CENPP: variants seen among roughly 807,000 people sequenced by gnomAD.
The protein encoded by CENPP is centromere protein P.
A neutral mutation model predicts 35.6 loss-of-function variants in CENPP; 24 were observed. That is an observed-to-expected ratio of 0.67 (90% CI 0.49 to 0.95). The LOEUF is 0.95. CENPP is among the 40% of genes least tolerant of loss of function. CENPP has a pLI of 0.00. For synonymous variants in CENPP, 120 were observed against 125.5 expected (o/e 0.96, Z 0.29); for missense variants, 332 against 345.3 (o/e 0.96, Z 0.31).
At chr9:92,425,905 C>T (rs1843953695) in intron 5 of CENPP, among the ~76,000 whole-genome samples, 1 of 152,164 alleles carries the variant, frequency 6.6e-6, no homozygotes. Context: ...GTTTTATAGG[C>T]CTTCACAGTC....
intron 5 of CENPP, among the ~76,000 whole-genome samples, chr9:92,549,552 C>A (rs1849541644): frequency 6.6e-6 from 1 of 151,168 alleles, no homozygotes. Flanking sequence ...GAGGCTGAGG[C>A]AGGACAATCA....
chr9:92,574,372 G>C (rs1261976618), intron 5 of CENPP, among the ~76,000 whole-genome samples: 1 of 152,060 alleles, frequency 6.6e-6, no homozygotes, highest in Non-Finnish European at 1.5e-5. Context: ...AGAATACAAA[G>C]TGAACACACT....
At chr9:92,602,586 G>T (rs562174177) in intron 5 of CENPP, among the ~76,000 whole-genome samples, 8 of 152,382 alleles carry the variant, frequency 5.2e-5, no homozygotes, top group African/African-American at 1.9e-4. Flanking sequence ...GAGGGGACAA[G>T]GAAGGAGAGA....
chr9:92,368,361 G>C (rs1052128114), intron 4 of CENPP, among the ~76,000 whole-genome samples: 2 of 152,112 alleles, frequency 1.3e-5, no homozygotes, highest in African/African-American at 4.8e-5. Flanking sequence ...TTCAAAATCT[G>C]AAACGCTTCT....
intron 5 of CENPP, among the ~76,000 whole-genome samples, chr9:92,549,622 G>A (rs1004513266): frequency 2.7e-5 from 4 of 148,456 alleles, no homozygotes; most frequent in African/African-American, 7.6e-5. Context: ...ACTCCAGCCT[G>A]AGTGGGAGAG....
At chr9:92,517,917 T>C in intron 5 of CENPP, 4 of 1,609,986 alleles carry the variant, frequency 2.5e-6, no homozygotes, top group Non-Finnish European at 3.4e-6. Context: ...TCTTATGTGA[T>C]TATCAGTAAC....
At chr9:92,457,568 G>T in intron 5 of CENPP, 1 of 1,001,280 alleles carries the variant, frequency 1.0e-6, no homozygotes, top group Non-Finnish European at 1.5e-6. Flanking sequence ...ATTTGTTTGT[G>T]GGTTTATTCA....
chr9:92,332,875 C>CT (rs1399857353), intron 2 of CENPP, among the ~76,000 whole-genome samples: 6,131 of 142,874 alleles, frequency 0.043, 152 homozygotes, highest in Middle Eastern at 0.061. Flanking sequence ...TTCTTTCTTT[C>CT]TTTTTTTTTT....
chr9:92,588,141 AAAAAT>A (rs369139166), intron 5 of CENPP, among the ~76,000 whole-genome samples: 64 of 151,582 alleles, frequency 4.2e-4, no homozygotes, highest in African/African-American at 1.4e-3. Context: ...CTCTGTCTCA[AAAAAT>A]AAAATAAAAT....
chr9:92,500,362 T>C (rs1588186756), intron 5 of CENPP, among the ~76,000 whole-genome samples: 1 of 152,198 alleles, frequency 6.6e-6, no homozygotes, highest in South Asian at 2.1e-4. Flanking sequence ...TTTGTATTTT[T>C]AGTAGAAACG....
chr9:92,388,038 A>G (rs1842506703), intron 5 of CENPP, among the ~76,000 whole-genome samples: 1 of 152,114 alleles, frequency 6.6e-6, no homozygotes, highest in Admixed American at 6.5e-5. Context: ...TGCTAGGATT[A>G]CAGGCATGAG....
chr9:92,479,415 G>A (rs527778922), intron 5 of CENPP, among the ~76,000 whole-genome samples: 2 of 152,342 alleles, frequency 1.3e-5, no homozygotes, highest in East Asian at 1.9e-4. Flanking sequence ...AAGCATTCCA[G>A]TTGCTGAGCA....
At chr9:92,350,012 TGTATTCCCACCA>T in intron 4 of CENPP, among the ~76,000 whole-genome samples, 1 of 152,334 alleles carries the variant, frequency 6.6e-6, no homozygotes, top group Non-Finnish European at 1.5e-5. Context: ...CATACTGTTT[TGTATTCCCACCA>T]GTAATGTGTG....
In CENPP at chr9:92,611,294, CG is replaced by C; in HGVS notation, c.565-19del. ...CTCCCCACCAGTGGATCTGTCTACC[CG>C]TTTCTTCTCCCCATGCAGGAAAAGT... is the stretch of plus-strand genomic sequence containing the variant. On this transcript the variant is annotated intron_variant, in intron 5 of 7. Transcript: ENST00000375587. 1 of 1,603,016 alleles carries C rather than the reference CG, an allele frequency of 6.2e-7. No homozygotes were observed. The highest frequency in any genetic ancestry group is 8.5e-7 in the Non-Finnish European group (1 of 1,170,418).
chr9:92,596,616 A>G (rs1850790428), intron 5 of CENPP, among the ~76,000 whole-genome samples: 2 of 152,104 alleles, frequency 1.3e-5, no homozygotes, highest in Admixed American at 1.3e-4. Flanking sequence ...GGGAGGCATC[A>G]AGTACATTGG....
chr9:92,572,988 C>T (rs923110507), intron 5 of CENPP, among the ~76,000 whole-genome samples: 21 of 152,042 alleles, frequency 1.4e-4, no homozygotes, highest in Non-Finnish European at 2.2e-4. Context: ...GTTAGCCATT[C>T]GTCTAATCTT....
chr9:92,616,225 C>T lies in CENPP; in HGVS notation c.*3076C>T, dbSNP rs1588325960. On this transcript the variant is annotated 3_prime_UTR_variant, in exon 8 of 8. Transcript: ENST00000375587. ...TTTAAAAGAGAAGTGAATGGCCTCACACCCCAGCTCACAAAGAGCACTCGT... is the reference window on the plus strand; with the variant it reads ...TTTAAAAGAGAAGTGAATGGCCTCATACCCCAGCTCACAAAGAGCACTCGT... The T allele has an allele frequency of 1.8e-6, 1 of 569,846 alleles. No individual in the cohort carries two copies. Among genetic ancestry groups the T allele is most frequent in the Admixed American group, 3.1e-5 (1 of 32,686 alleles). The allele number at this position is 569,846 out of a possible 1,614,324, so 35.3% of individuals were successfully genotyped here.
intron 5 of CENPP, among the ~76,000 whole-genome samples, chr9:92,474,275 A>T (rs1323329138): frequency 6.6e-6 from 1 of 152,192 alleles, no homozygotes; most frequent in African/African-American, 2.4e-5. Context: ...TTTTGTTATC[A>T]TGGAGTTTTA....
chr9:92,542,580 G>A (rs990971214), intron 5 of CENPP, among the ~76,000 whole-genome samples: 1 of 151,400 alleles, frequency 6.6e-6, no homozygotes, highest in South Asian at 2.1e-4. Flanking sequence ...GCAGTGGCAC[G>A]ATCATGGCTC....
Sources: allele counts gnomAD v4.1 joint callset (sites outside exome capture counted in the v4.1 genomes callset), GRCh38; gene constraint gnomAD v4.1.1; transcripts MANE v1.5; gene names NCBI Gene and HGNC (gene_info 2026-07-23, HGNC 2026-07-21).